Variants in C4orf50 observed in about 807,000 individuals in gnomAD.
C4orf50 encodes chromosome 4 open reading frame 50, also known as uncharacterized protein C4orf50.
Under a neutral mutation model 77.2 loss-of-function variants are expected in C4orf50, and 80 were observed. That is an observed-to-expected ratio of 1.04 (90% confidence interval 0.87 to 1.25). The LOEUF (loss-of-function observed/expected upper bound fraction) is 1.25, where lower values mean the gene tolerates loss of function less well. Among genes scored for constraint, C4orf50 ranks in the 50% most tolerant of loss-of-function variants. The pLI, the probability that C4orf50 is intolerant of heterozygous loss-of-function variation, is 0.00. For synonymous variants in C4orf50, 532 were observed against 465.3 expected (o/e 1.14, Z -1.84); for missense variants, 1,257 against 1,152.9 (o/e 1.09, Z -1.31).
downstream of C4orf50, chr4:5,956,563 G>A (rs1231049100): frequency 6.6e-6 from 1 of 152,310 alleles, no homozygotes; most frequent in Non-Finnish European, 1.5e-5. Flanking sequence ...GGGAGCACAG[G>A]AAAACAAGCC....
At chr4:5,946,974 T>C (rs891142418) in intron 7 of C4orf50, among the ~76,000 whole-genome samples, 8 of 152,246 alleles carry the variant, frequency 5.3e-5, no homozygotes, top group Admixed American at 2.6e-4. Flanking sequence ...ATGGTGCTCT[T>C]GGCCAGTGCC....
At chr4:6,010,259 G>A (rs1722440030) in intron 24 of C4orf50, among the ~76,000 whole-genome samples, 1 of 152,160 alleles carries the variant, frequency 6.6e-6, no homozygotes, top group Admixed American at 6.5e-5. Flanking sequence ...TGGTAATGAT[G>A]AGGTACTATG....
At chr4:5,963,995 A>G (rs1030074594) in intron 33 of C4orf50, among the ~76,000 whole-genome samples, 2 of 150,350 alleles carry the variant, frequency 1.3e-5, no homozygotes, top group Admixed American at 6.7e-5. Flanking sequence ...TTAGGACCAA[A>G]CCTGCAGTAT....
intron 7 of C4orf50, among the ~76,000 whole-genome samples, chr4:5,934,535 T>C (rs796453182): frequency 3.3e-5 from 5 of 152,220 alleles, no homozygotes; most frequent in African/African-American, 1.2e-4. Flanking sequence ...CTGCCACTCC[T>C]CCCTGCACCC....
chr4:5,920,165 T>C lies in C4orf50; in HGVS notation c.*2475-21977A>G, dbSNP rs59373659. ...TCTCCTTAGGAGGTCCTGGAAACAATGCTGCACAGATACCGGGGATAACTC... is the reference window on the plus strand; with the variant it reads ...TCTCCTTAGGAGGTCCTGGAAACAACGCTGCACAGATACCGGGGATAACTC... On this transcript the variant is annotated intron_variant, in intron 7 of 7. Coordinates refer to the C4orf50 transcript ENST00000324058. Among the ~76,000 whole-genome samples the C allele has an allele frequency of 7.7e-3, 1,178 of 152,334 alleles. 16 individuals carry two copies. Among genetic ancestry groups the C allele is most frequent in the African/African-American group, 0.027 (1,128 of 41,576 alleles).
rs1722632432 is a variant in C4orf50 at position 6,015,017 on chromosome 4, G to A, written c.288-3049C>T. On this transcript the variant is annotated intron_variant, in intron 23 of 33. Transcript: ENST00000531445. This position sits in a 1 kb window ranked among gnomAD's most constrained non-coding sequence, Gnocchi z 4.4. The stretch of plus-strand genomic sequence containing the variant: ...CCTGCCTGTCTTCCTGGGGTCCATT[G>A]ATCTTCTGGTTTCCACCACCAACCT... Among the ~76,000 whole-genome samples the A allele has an allele frequency of 2.0e-5, 3 of 152,124 alleles. No homozygotes were observed. The highest frequency in any genetic ancestry group is 6.5e-5 in the Admixed American group (1 of 15,280).
chr4:5,922,357 A>C (rs1717314927), intron 7 of C4orf50, among the ~76,000 whole-genome samples: 1 of 152,178 alleles, frequency 6.6e-6, no homozygotes, highest in Non-Finnish European at 1.5e-5. Context: ...CACAATGAAA[A>C]ACAAATAACC....
At chr4:5,989,582 G>A in exon 28 of C4orf50, 1 of 1,536,124 alleles carries the variant, frequency 6.5e-7, no homozygotes, top group Non-Finnish European at 8.7e-7. Flanking sequence ...CTGCTGCCCG[G>A]CTGCAGGGTG....
intron 7 of C4orf50, chr4:5,902,749 A>T (rs1183004379): frequency 6.6e-6 from 1 of 152,148 alleles, no homozygotes; most frequent in African/African-American, 2.4e-5. Context: ...TTCAATGGTC[A>T]ATGCACAACA....
chr4:5,992,735 C>T lies in C4orf50; in HGVS notation c.1221+68G>A, dbSNP rs1721360762. On this transcript the variant is annotated intron_variant, in intron 27 of 33. Coordinates refer to ENST00000531445, the Ensembl canonical transcript of C4orf50. The surrounding 1 kb of genome is among the most constrained non-coding windows in gnomAD (Gnocchi z 5.0). ...CCACATCCTGCGTGTGGCCACATAG[C>T]CTGCATGAGGCAGGGCTGAGGGGAA... The T allele has an allele frequency of 1.0e-5, 4 of 398,970 alleles. No individual in the cohort carries two copies. The highest frequency in any genetic ancestry group is 1.8e-5 in the Non-Finnish European group (4 of 226,132). 24.7% of individuals were successfully genotyped at this position (398,970 alleles called of 1,614,324 possible). A position where few individuals can be genotyped will look rare whatever the true frequency, so the allele number is the denominator to read the frequency against.
Position 6,008,006 on chromosome 4 carries a change from T to C in C4orf50, c.953A>G (p.His318Arg). ...GTTCCCGCCACTTACCAGGCTGCAGTGACCAATAGGGGCCTGGGCTCCCAG... is the reference window on the plus strand; with the variant it reads ...GTTCCCGCCACTTACCAGGCTGCAGCGACCAATAGGGGCCTGGGCTCCCAG... Residue 318 changes from histidine (H) to arginine (R), a missense_variant, in exon 25 of 34, where the codon CAC becomes CGC. Coordinates refer to ENST00000531445, the Ensembl canonical transcript of C4orf50. The surrounding 1 kb of genome is among the most constrained non-coding windows in gnomAD (Gnocchi z 6.0). 1 of 399,148 alleles carries C rather than the reference T, an allele frequency of 2.5e-6. No individual in the cohort carries two copies. The highest frequency in any genetic ancestry group is 4.4e-6 in the Non-Finnish European group (1 of 226,146). 24.7% of individuals were successfully genotyped at this position (399,148 alleles called of 1,614,324 possible).
chr4:5,949,656 T>G (rs55660648), intron 7 of C4orf50, among the ~76,000 whole-genome samples: 67,196 of 152,024 alleles, frequency 0.44, 16,717 homozygotes, highest in African/African-American at 0.67. Context: ...ATAAATGTAT[T>G]TAAAGGTTAA....
chr4:5,943,241 C>T (rs1351842385), intron 7 of C4orf50, among the ~76,000 whole-genome samples: 1 of 152,210 alleles, frequency 6.6e-6, no homozygotes, highest in African/African-American at 2.4e-5. Context: ...TTAAAGTGAT[C>T]ACATCTTTTC....
At chr4:5,979,990 A>G (rs1720483900) in intron 29 of C4orf50, among the ~76,000 whole-genome samples, 184 bp downstream of exon 7, 1 of 152,070 alleles carries the variant, frequency 6.6e-6, no homozygotes, top group Non-Finnish European at 1.5e-5. Flanking sequence ...CAGGGAAGCA[A>G]TCATAGAGCC....
rs1722307198 is a variant in C4orf50 at position 6,007,829 on chromosome 4, G to T, written c.963+167C>A. On this transcript the variant is annotated intron_variant, in intron 25 of 33. Coordinates refer to ENST00000531445, the Ensembl canonical transcript of C4orf50. This position sits in a 1 kb window ranked among gnomAD's most constrained non-coding sequence, Gnocchi z 4.1. ...TATGTGAGGTTAGATGGGAGGGTGGGTGGGGAGGTGAGTAGATGCAGTGAA... is the reference window on the plus strand; with the variant it reads ...TATGTGAGGTTAGATGGGAGGGTGGTTGGGGAGGTGAGTAGATGCAGTGAA... Among the ~76,000 whole-genome samples, 1 of 139,560 alleles carries T rather than the reference G, an allele frequency of 7.2e-6. No individual in the cohort carries two copies. Among genetic ancestry groups the T allele is most frequent in the Non-Finnish European group, 1.6e-5 (1 of 63,918 alleles). 91.6% of individuals were successfully genotyped at this position (139,560 alleles called of 152,430 possible).
At chr4:5,922,902 G>A (rs4443226) in intron 7 of C4orf50, among the ~76,000 whole-genome samples, 65,230 of 152,136 alleles carry the variant, frequency 0.43, 15,950 homozygotes, top group African/African-American at 0.67. Context: ...CCTTTGAAAG[G>A]CAGGAGCCTA....
chr4:5,921,595 G>C (rs951587534), intron 7 of C4orf50, among the ~76,000 whole-genome samples: 33 of 152,124 alleles, frequency 2.2e-4, no homozygotes, highest in African/African-American at 8.0e-4. Context: ...GGGAGGCTCA[G>C]GGGTGGGGAG....
chr4:5,899,282 A>G (rs1411698738), intron 7 of C4orf50: 1 of 152,254 alleles, frequency 6.6e-6, no homozygotes, highest in Admixed American at 6.5e-5. Context: ...AGATATATCT[A>G]TCACAGAATA....
At chr4:5,979,114 G>C (rs1484114873) in intron 29 of C4orf50, among the ~76,000 whole-genome samples, 1 of 152,204 alleles carries the variant, frequency 6.6e-6, no homozygotes, top group Non-Finnish European at 1.5e-5. Flanking sequence ...GAGTATAAAT[G>C]ATGCTATCAT....
Sources: gnomAD v4.1 joint callset for allele counts (sites outside exome capture counted in the v4.1 genomes callset) on GRCh38, gnomAD v4.1.1 for gene constraint, Gnocchi (gnomAD v3.1) non-coding constraint, MANE v1.5 for transcripts, NCBI Gene and HGNC (gene_info 2026-07-23, HGNC 2026-07-21) for gene names.